The following SLIT2 variants were observed in gnomAD, a reference collection of about 807,000 sequenced individuals.
SLIT2 encodes slit guidance ligand 2, also known as slit homolog 2 protein.
A neutral mutation model predicts 185.7 loss-of-function variants in SLIT2; 41 were observed. That is an observed-to-expected ratio of 0.22 (90% CI 0.17 to 0.29). The LOEUF is 0.29. SLIT2 is among the 10% of genes least tolerant of loss of function. The probability of loss-of-function intolerance (pLI) is 1.00; values close to 1 mark genes in which losing one functional copy is unlikely to be tolerated. For missense variants in SLIT2, 1,571 were observed against 1,909.0 expected, an observed-to-expected ratio of 0.82 and a Z score of 3.30; for synonymous variants, 693 against 680.2, an observed-to-expected ratio of 1.02 and a Z score of -0.29.
chr4:20,615,221 C>G (rs1240103095), intron 34 of SLIT2: 4 of 152,180 alleles, frequency 2.6e-5, no homozygotes, highest in Non-Finnish European at 5.9e-5. Context: ...TTTTCTGTCA[C>G]CAGTCCTTTC....
At chr4:20,501,450 T>G (rs1318219677) in intron 9 of SLIT2, among the ~76,000 whole-genome samples, 1 of 151,970 alleles carries the variant, frequency 6.6e-6, no homozygotes, top group East Asian at 1.9e-4. Context: ...CACACCCGGC[T>G]TTTTTGTCTT....
chr4:20,489,560 G>C (rs1487002767), intron 8 of SLIT2, among the ~76,000 whole-genome samples: 2 of 152,188 alleles, frequency 1.3e-5, no homozygotes, highest in Non-Finnish European at 2.9e-5. Context: ...GAGGTGGGCA[G>C]ATCTCCAGAG....
At chr4:20,362,462 T>G (rs1200400464) in intron 4 of SLIT2, among the ~76,000 whole-genome samples, 1 of 152,112 alleles carries the variant, frequency 6.6e-6, no homozygotes, top group Non-Finnish European at 1.5e-5. Flanking sequence ...GGATTGATTT[T>G]CCAAGCAGCT....
At chr4:20,591,810 G>T (rs1727541448) in intron 30 of SLIT2, among the ~76,000 whole-genome samples, 1 of 151,966 alleles carries the variant, frequency 6.6e-6, no homozygotes, top group African/African-American at 2.4e-5. Context: ...TTTGTGTATT[G>T]TAAGTATAAG....
intron 4 of SLIT2, among the ~76,000 whole-genome samples, chr4:20,380,401 A>G (rs1724400086): frequency 6.6e-6 from 1 of 152,170 alleles, no homozygotes; most frequent in Non-Finnish European, 1.5e-5. Context: ...AAAAATTACT[A>G]AACATGCAAG....
rs747310658 is a variant in SLIT2 at position 20,528,325 on chromosome 4, C to T, written c.1463-624C>T. ...TGTGCTTGATCTAACCATGTGGTTG[C>T]GAGGTATGAGTAAAACATGGTTCCG... On this transcript the variant is annotated intron_variant, in intron 15 of 36. Coordinates refer to ENST00000504154, the MANE Select transcript of SLIT2 (RefSeq NM_004787.4). The surrounding 1 kb of genome is among the most constrained non-coding windows in gnomAD (Gnocchi z 4.2). 3.9e-5 allele frequency: 21 copies of T among 534,324 alleles called. No homozygotes were observed. Among genetic ancestry groups the T allele is most frequent in the Admixed American group, 5.8e-5 (3 of 51,536 alleles). 33.1% of individuals were successfully genotyped at this position (534,324 alleles called of 1,614,324 possible).
chr4:20,535,330 G>A, intron 18 of SLIT2, among the ~76,000 whole-genome samples: 1 of 151,912 alleles, frequency 6.6e-6, no homozygotes, highest in Middle Eastern at 3.4e-3. Flanking sequence ...AGATACTGAG[G>A]AATGTGTAGG....
At chr4:20,310,992 C>G (rs1718056613) in intron 4 of SLIT2, among the ~76,000 whole-genome samples, 1 of 152,200 alleles carries the variant, frequency 6.6e-6, no homozygotes, top group South Asian at 2.1e-4. Context: ...TCAAGTGATC[C>G]TCCTGCCTCA....
chr4:20,560,684 C>A (rs1415316404), intron 26 of SLIT2, among the ~76,000 whole-genome samples: 2 of 151,816 alleles, frequency 1.3e-5, no homozygotes, highest in East Asian at 3.9e-4. Flanking sequence ...GCTATGGAGG[C>A]AACTAAATTA....
intron 4 of SLIT2, among the ~76,000 whole-genome samples, chr4:20,388,185 C>T (rs1201259306): frequency 1.3e-5 from 2 of 151,978 alleles, no homozygotes; most frequent in African/African-American, 2.4e-5. Flanking sequence ...AAGCACAGTT[C>T]TAAAAAACTA....
At chr4:20,316,392 G>A (rs3945867) in intron 4 of SLIT2, among the ~76,000 whole-genome samples, 36,161 of 151,730 alleles carry the variant, frequency 0.24, 5,227 homozygotes, top group East Asian at 0.61. Flanking sequence ...TTTCACAGAA[G>A]ATATTTACAA....
rs1346814647 is a variant in SLIT2, at chr4:20,472,358, C to CTATATATATAGA, written c.467+4541_467+4542insTATAGATATATA. On this transcript the variant is annotated intron_variant, in intron 5 of 36. Coordinates refer to ENST00000504154, the MANE Select transcript of SLIT2 (RefSeq NM_004787.4). ...TAGATCTATATATAGATATAGATATCTATATAGATATCTATATCTATATAT... is the reference window on the plus strand; with the variant it reads ...TAGATCTATATATAGATATAGATATCTATATATATAGATATATAGATATCTATATCTATATAT... Among the ~76,000 whole-genome samples the CTATATATATAGA allele has an allele frequency of 9.7e-3, 136 of 14,054 alleles. 2 individuals carry two copies. The highest frequency in any genetic ancestry group is 0.083 in the Middle Eastern group (2 of 24). 9.2% of individuals were successfully genotyped at this position (14,054 alleles called of 152,430 possible).
At chr4:20,580,058 G>GTA (rs1726418930) in intron 29 of SLIT2, among the ~76,000 whole-genome samples, 2 of 109,780 alleles carry the variant, frequency 1.8e-5, no homozygotes, top group Non-Finnish European at 3.4e-5. Context: ...TATATATTAT[G>GTA]TATATATTAT....
At chr4:20,258,052 A>T (rs901142882) in intron 3 of SLIT2, 113 bp downstream of exon 3, 11 of 581,436 alleles carry the variant, frequency 1.9e-5, no homozygotes, top group Non-Finnish European at 3.4e-5. Context: ...ATTTTGCAGA[A>T]AAAGGAGGAT....
At chr4:20,553,444 TGTGACTTA>T (rs1333565619) in intron 25 of SLIT2, among the ~76,000 whole-genome samples, 4 of 152,190 alleles carry the variant, frequency 2.6e-5, no homozygotes, top group Non-Finnish European at 5.9e-5. Context: ...AACCTTGCAT[TGTGACTTA>T]AGTCATCAGT....
chr4:20,592,020 G>A (rs1001873769), intron 30 of SLIT2, among the ~76,000 whole-genome samples: 5 of 152,174 alleles, frequency 3.3e-5, no homozygotes, highest in African/African-American at 1.2e-4. Context: ...ATAGCTGTAT[G>A]TAGGTAGTTT....
At chr4:20,583,212 T>TTTGTTG (rs569814986) in intron 29 of SLIT2, among the ~76,000 whole-genome samples, 3 of 152,076 alleles carry the variant, frequency 2.0e-5, no homozygotes, top group African/African-American at 7.2e-5. Context: ...ATAGGAATAG[T>TTTGTTG]TTGTTGTTGT....
intron 9 of SLIT2, among the ~76,000 whole-genome samples, chr4:20,499,330 T>C (rs1718499672): frequency 6.6e-6 from 1 of 152,128 alleles, no homozygotes; most frequent in South Asian, 2.1e-4. Context: ...AAAGTGTCTT[T>C]TTCTGTTCAT....
intron 9 of SLIT2, among the ~76,000 whole-genome samples, chr4:20,510,040 G>C (rs979312520): frequency 6.6e-6 from 1 of 152,210 alleles, no homozygotes; most frequent in African/African-American, 2.4e-5. Flanking sequence ...CCGATCATAT[G>C]CTTTCCATAG....
Sources: allele counts gnomAD v4.1 joint callset (sites outside exome capture counted in the v4.1 genomes callset), GRCh38; gene constraint gnomAD v4.1.1; non-coding constraint Gnocchi (gnomAD v3.1); transcripts MANE v1.5; gene names NCBI Gene and HGNC (gene_info 2026-07-23, HGNC 2026-07-21).